Variants in PEX14 observed in about 807,000 individuals in gnomAD.
The protein encoded by PEX14 is peroxisomal biogenesis factor 14.
A neutral mutation model predicts 49.5 loss-of-function variants in PEX14; 15 were observed. The ratio of observed to expected loss-of-function variants is 0.30; its 90% confidence interval spans 0.20 to 0.47. The LOEUF is 0.47. Ranked by LOEUF, PEX14 falls within the 20% of genes least tolerant of loss-of-function variation. PEX14 has a pLI of 1.00. For synonymous variants in PEX14, 210 were observed against 212.7 expected, an observed-to-expected ratio of 0.99 and a Z score of 0.11; for missense variants, 398 against 494.8, an observed-to-expected ratio of 0.80 and a Z score of 1.86.
chr1:10,534,496 TCTC>T (rs1638741715), intron 2 of PEX14, among the ~76,000 whole-genome samples: 1 of 152,120 alleles, frequency 6.6e-6, no homozygotes, highest in Non-Finnish European at 1.5e-5. Flanking sequence ...CTTCTTCCCT[TCTC>T]CTATCTCTTC....
At chr1:10,543,740 G>T (rs961503854) in intron 3 of PEX14, among the ~76,000 whole-genome samples, 3 of 152,162 alleles carry the variant, frequency 2.0e-5, no homozygotes, top group African/African-American at 7.2e-5. Flanking sequence ...CCGAGTAGCT[G>T]GGACTACAGG....
chr1:10,484,777 C>T (rs1641340491), intron 1 of PEX14, among the ~76,000 whole-genome samples: 1 of 151,576 alleles, frequency 6.6e-6, no homozygotes, highest in African/African-American at 2.4e-5. Flanking sequence ...GCATTCAGTT[C>T]CTTATGGACC....
intron 5 of PEX14, among the ~76,000 whole-genome samples, chr1:10,621,036 C>T (rs763179416): frequency 2.6e-5 from 4 of 152,198 alleles, no homozygotes; most frequent in East Asian, 1.9e-4. Flanking sequence ...CTCGGCAGCC[C>T]GCCTTAGCGT....
rs993555445 is a variant in PEX14 at position 10,628,305 on chromosome 1, A to G, written c.677+942A>G. On this transcript the variant is annotated intron_variant, in intron 8 of 8. Transcript: ENST00000356607. The surrounding 1 kb of genome is among the most constrained non-coding windows in gnomAD (Gnocchi z 4.5). ...GTCCTGGGAGCCGCAACTGTGGGCCATCCTCCTGGGCTGATGCCCTAGTGG... is the reference window on the plus strand; with the variant it reads ...GTCCTGGGAGCCGCAACTGTGGGCCGTCCTCCTGGGCTGATGCCCTAGTGG... 2.6e-5 allele frequency among the ~76,000 whole-genome samples: 4 copies of G among 152,262 alleles called. No homozygotes were observed. Among genetic ancestry groups the G allele is most frequent in the Non-Finnish European group, 5.9e-5 (4 of 68,054 alleles).
intron 3 of PEX14, among the ~76,000 whole-genome samples, chr1:10,563,274 C>T (rs1308085555): frequency 1.3e-5 from 2 of 151,172 alleles, no homozygotes; most frequent in African/African-American, 4.9e-5. Flanking sequence ...TGGTATAGAA[C>T]TCTAGATTGG....
chr1:10,628,942 A>C lies in PEX14; in HGVS notation c.678-589A>C, dbSNP rs765266654. 1.3e-5 allele frequency among the ~76,000 whole-genome samples: 2 copies of C among 152,234 alleles called. No homozygotes were observed. Among genetic ancestry groups the C allele is most frequent in the African/African-American group, 4.8e-5 (2 of 41,462 alleles). On this transcript the variant is annotated intron_variant, in intron 8 of 8. Transcript: ENST00000356607. This position sits in a 1 kb window ranked among gnomAD's most constrained non-coding sequence, Gnocchi z 4.5. ...CTGGCCCAGGAACGGAGTACGGAGC[A>C]GAAGGGAGAGCTGCCTCTTCTGCGT...
intron 2 of PEX14, among the ~76,000 whole-genome samples, chr1:10,526,328 C>A (rs992327762): frequency 1.3e-5 from 2 of 151,272 alleles, no homozygotes; most frequent in Non-Finnish European, 2.9e-5. Flanking sequence ...AAGTGATTCT[C>A]CTGCCTTAGC....
At chr1:10,581,232 A>G (rs1295651703) in intron 3 of PEX14, among the ~76,000 whole-genome samples, 3 of 151,796 alleles carry the variant, frequency 2.0e-5, no homozygotes, top group African/African-American at 7.3e-5. Flanking sequence ...CTGGAATCCC[A>G]TGAGGGCAGA....
chr1:10,550,444 C>T (rs1639302176), intron 3 of PEX14, among the ~76,000 whole-genome samples: 1 of 152,232 alleles, frequency 6.6e-6, no homozygotes, highest in Non-Finnish European at 1.5e-5. Flanking sequence ...CATTCCTCAT[C>T]TGCTGTTTGC....
chr1:10,603,687 C>G (rs1307747781), intron 4 of PEX14, among the ~76,000 whole-genome samples: 3 of 152,194 alleles, frequency 2.0e-5, no homozygotes, highest in Admixed American at 1.3e-4. Context: ...CTGATAAATG[C>G]TGGTTGATTG....
At chr1:10,559,325 T>C (rs768098789) in intron 3 of PEX14, among the ~76,000 whole-genome samples, 1 of 152,210 alleles carries the variant, frequency 6.6e-6, no homozygotes, top group Non-Finnish European at 1.5e-5. Flanking sequence ...TTGCAGGACT[T>C]TTTCATCTAT....
chr1:10,624,207 T>C (rs1641678165), intron 6 of PEX14, 133 bp from the exon 7 acceptor site: 2 of 763,712 alleles, frequency 2.6e-6, no homozygotes, highest in East Asian at 4.9e-5. Context: ...TTAGATGGAT[T>C]GCGGGGGCTG....
intron 3 of PEX14, among the ~76,000 whole-genome samples, chr1:10,570,219 G>T (rs1553191504): frequency 6.6e-6 from 1 of 151,862 alleles, no homozygotes; most frequent in Non-Finnish European, 1.5e-5. Flanking sequence ...TTCTGTGTGT[G>T]TTCCCTTTTT....
intron 2 of PEX14, 28 bp from the exon 3 acceptor site, chr1:10,536,185 T>C (rs753384288): frequency 4.3e-6 from 6 of 1,387,038 alleles, no homozygotes; most frequent in Non-Finnish European, 5.1e-6. Flanking sequence ...AAGTGAAGTT[T>C]ACTCCTCTAT....
At chr1:10,493,772 G>A (rs1641510693) in intron 1 of PEX14, among the ~76,000 whole-genome samples, 2 of 152,156 alleles carry the variant, frequency 1.3e-5, no homozygotes, top group Admixed American at 1.3e-4. Context: ...CTCTGGGAGC[G>A]AGGGAGAAAG....
At position 10,627,163 on chromosome 1, in the gene PEX14, C is replaced by G; in HGVS notation, c.586-109C>G. 3.8e-6 allele frequency: 3 copies of G among 790,358 alleles called. No homozygotes were observed. The East Asian group carries it at 7.3e-5, about 19-fold the overall frequency. The allele number at this position is 790,358 out of a possible 1,614,324, so 49.0% of individuals were successfully genotyped here. A position where few individuals can be genotyped will look rare whatever the true frequency, so the allele number is the denominator to read the frequency against. Reference sequence around the variant, plus strand: ...GAACCTTCCCCCGGGTTCCCCAGAACAGACCCAGAAGGCCCCACCTGCTGC... The same window carrying G: ...GAACCTTCCCCCGGGTTCCCCAGAAGAGACCCAGAAGGCCCCACCTGCTGC... On this transcript the variant is annotated intron_variant, in intron 7 of 8. Coordinates refer to ENST00000356607, the MANE Select transcript of PEX14 (RefSeq NM_004565.3).
In PEX14 at chr1:10,539,342, G is replaced by A. The variant is rs998762983; in HGVS notation, c.169+3045G>A. On this transcript the variant is annotated intron_variant, in intron 3 of 8. Coordinates refer to ENST00000356607, the MANE Select transcript of PEX14 (RefSeq NM_004565.3). This position sits in a 1 kb window ranked among gnomAD's most constrained non-coding sequence, Gnocchi z 4.6. ...GAACATGGAGCCATTAATGAGAAAC[G>A]TGAAGTTATTAGAATCATTTATCAT... Among the ~76,000 whole-genome samples the A allele has an allele frequency of 3.9e-5, 6 of 152,192 alleles. No individual in the cohort carries two copies. In the South Asian group the frequency reaches 6.2e-4, roughly 16 times the overall value.
intron 3 of PEX14, among the ~76,000 whole-genome samples, chr1:10,571,205 A>G (rs1639968152): frequency 6.6e-6 from 1 of 152,026 alleles, no homozygotes; most frequent in Admixed American, 6.5e-5. Flanking sequence ...ACACAACTTT[A>G]GAATCTAATT....
intron 2 of PEX14, among the ~76,000 whole-genome samples, chr1:10,502,346 A>G (rs1016187428): frequency 6.6e-6 from 1 of 152,082 alleles, no homozygotes; most frequent in Non-Finnish European, 1.5e-5. Flanking sequence ...GCAAAGCCTC[A>G]TACTGTTTCT....
Sources: gnomAD v4.1 joint callset for allele counts (sites outside exome capture counted in the v4.1 genomes callset) on GRCh38, gnomAD v4.1.1 for gene constraint, Gnocchi (gnomAD v3.1) non-coding constraint, MANE v1.5 for transcripts, NCBI Gene and HGNC (gene_info 2026-07-23, HGNC 2026-07-21) for gene names.